Variants in LMX1B observed in about 807,000 individuals in gnomAD.
The protein encoded by LMX1B is LIM homeobox transcription factor 1 beta.
In LMX1B, 12 loss-of-function variants were observed where a neutral mutation model predicts 51.4. That is an observed-to-expected ratio of 0.23 (90% CI 0.15 to 0.38). The LOEUF (loss-of-function observed/expected upper bound fraction) is 0.38. Among genes scored for constraint, LMX1B ranks in the 10% least tolerant of loss-of-function variants. LMX1B has a pLI of 1.00. For missense variants in LMX1B, 445 were observed against 571.1 expected (o/e 0.78, Z 2.25); for synonymous variants, 237 against 235.4 (o/e 1.01, Z -0.06).
At chr9:126,656,818 T>A (rs1836127377) in intron 2 of LMX1B, among the ~76,000 whole-genome samples, 1 of 152,220 alleles carries the variant, frequency 6.6e-6, no homozygotes, top group Non-Finnish European at 1.5e-5. Flanking sequence ...CAGCTGCCAC[T>A]CACAGGATGC....
intron 2 of LMX1B, among the ~76,000 whole-genome samples, chr9:126,631,472 G>A (rs1835636272): frequency 6.6e-6 from 1 of 151,968 alleles, no homozygotes. Context: ...AGTCCAGCTG[G>A]GGGCCTTTTG....
chr9:126,630,111 G>A (rs1216647990), intron 2 of LMX1B, among the ~76,000 whole-genome samples: 3 of 146,994 alleles, frequency 2.0e-5, no homozygotes, highest in East Asian at 3.9e-4. Context: ...GCAGTGAGCC[G>A]AGATTGCGCC....
chr9:126,643,753 C>T (rs1835849890), intron 2 of LMX1B, among the ~76,000 whole-genome samples: 2 of 152,148 alleles, frequency 1.3e-5, no homozygotes, highest in African/African-American at 4.8e-5. Flanking sequence ...TGTGTTTCCC[C>T]AGTACTTGGT....
chr9:126,648,006 G>A (rs1835933768), intron 2 of LMX1B, among the ~76,000 whole-genome samples: 2 of 152,228 alleles, frequency 1.3e-5, no homozygotes, highest in Non-Finnish European at 2.9e-5. Flanking sequence ...AGCTCCCTGG[G>A]TGATGGGAAA....
At chr9:126,694,865 C>T (rs1231418821) in intron 6 of LMX1B, among the ~76,000 whole-genome samples, 2 of 152,156 alleles carry the variant, frequency 1.3e-5, no homozygotes, top group African/African-American at 2.4e-5. Context: ...GACACAGCCT[C>T]CCTGAGAAGG....
chr9:126,655,161 T>C (rs1836088744), intron 2 of LMX1B, among the ~76,000 whole-genome samples: 1 of 152,338 alleles, frequency 6.6e-6, no homozygotes, highest in East Asian at 1.9e-4. Flanking sequence ...AATCAACTTT[T>C]TGGAGGTGCC....
Position 126,618,578 on chromosome 9 carries a change from A to T in LMX1B, c.326+3009A>T, listed in dbSNP as rs368481854. On this transcript the variant is annotated intron_variant, in intron 2 of 7. Coordinates refer to ENST00000373474, the MANE Select transcript of LMX1B (RefSeq NM_001174147.2). This position sits in a 1 kb window ranked among gnomAD's most constrained non-coding sequence, Gnocchi z 4.5. The stretch of plus-strand genomic sequence containing the variant: ...TTTCGGACAGAAAACCAGTTAGGAA[A>T]CGGAGAGGAAACGCAGCCTCCCCCA... Among the ~76,000 whole-genome samples, 1 of 152,218 alleles carries T rather than the reference A, an allele frequency of 6.6e-6. No homozygotes were observed. The highest frequency in any genetic ancestry group is 2.1e-4 in the South Asian group (1 of 4,832).
At chr9:126,616,981 G>A (rs553036743) in intron 2 of LMX1B, among the ~76,000 whole-genome samples, 2 of 152,336 alleles carry the variant, frequency 1.3e-5, no homozygotes, top group African/African-American at 4.8e-5. Context: ...GTCCCAGAGT[G>A]CAGCTGAGGC....
chr9:126,661,199 A>G (rs7869040), intron 2 of LMX1B, among the ~76,000 whole-genome samples: 9 of 105,574 alleles, frequency 8.5e-5, no homozygotes, highest in South Asian at 3.4e-4. Context: ...TAATGTGGAC[A>G]CCCCACGCAG....
intron 2 of LMX1B, among the ~76,000 whole-genome samples, chr9:126,648,739 C>T (rs970326476): frequency 3.3e-5 from 5 of 152,116 alleles, no homozygotes; most frequent in South Asian, 2.1e-4. Flanking sequence ...CTGGGCTGCC[C>T]GTTGGAGGCA....
At position 126,698,581 on chromosome 9, in the gene LMX1B, C is replaced by A. The variant is rs1285589698; in HGVS notation, c.*2130C>A. On this transcript the variant is annotated 3_prime_UTR_variant, in exon 8 of 8. Coordinates refer to ENST00000373474, the MANE Select transcript of LMX1B (RefSeq NM_001174147.2). ...GGCTGCTGGGGCCTGACTGGTGAGC[C>A]CACCCTGTCCCCTGGTGATCACTGT... is the stretch of plus-strand genomic sequence containing the variant. The A allele has an allele frequency of 1.3e-5, 2 of 152,476 alleles. No individual in the cohort carries two copies. Among genetic ancestry groups the A allele is most frequent in the African/African-American group, 2.4e-5 (1 of 41,444 alleles). 9.4% of individuals were successfully genotyped at this position (152,476 alleles called of 1,614,324 possible). A position where few individuals can be genotyped will look rare whatever the true frequency, so the allele number is the denominator to read the frequency against.
chr9:126,660,689 G>A (rs2118921908), intron 2 of LMX1B, among the ~76,000 whole-genome samples: 1 of 152,234 alleles, frequency 6.6e-6, no homozygotes, highest in Admixed American at 6.5e-5. Flanking sequence ...CATGTGAGGG[G>A]GATTGCAAAG....
chr9:126,614,010 C>T lies in LMX1B; in HGVS notation c.-440C>T, dbSNP rs891241078. ...GGGAGCGCGCCCGGAGCCCCGCGGC[C>T]CGCTGCGCCCCGCCCGGGACCCCGC... is the stretch of plus-strand genomic sequence containing the variant. On this transcript the variant is annotated 5_prime_UTR_variant, in exon 1 of 8. Transcript: ENST00000373474. Among the ~76,000 whole-genome samples the T allele has an allele frequency of 3.2e-3, 456 of 141,870 alleles. 3 individuals carry two copies. Among genetic ancestry groups the T allele is most frequent in the African/African-American group, 0.01 (400 of 39,670 alleles). 93.1% of individuals were successfully genotyped at this position (141,870 alleles called of 152,430 possible). A position where few individuals can be genotyped will look rare whatever the true frequency, so the allele number is the denominator to read the frequency against.
intron 2 of LMX1B, among the ~76,000 whole-genome samples, chr9:126,665,202 T>C (rs1313555860): frequency 2.0e-5 from 3 of 152,216 alleles, no homozygotes; most frequent in African/African-American, 4.8e-5. Context: ...TGGAGCTAGC[T>C]GCTGGCTGAG....
intron 2 of LMX1B, among the ~76,000 whole-genome samples, chr9:126,646,790 G>T (rs1032536033): frequency 6.6e-5 from 10 of 152,200 alleles, no homozygotes; most frequent in African/African-American, 2.2e-4. Context: ...CAGCAGACAA[G>T]GTTCCTGTTC....
Position 126,618,957 on chromosome 9 carries a change from T to TCGG in LMX1B, c.326+3395_326+3397dup, listed in dbSNP as rs1402676450. 2.6e-5 allele frequency among the ~76,000 whole-genome samples: 4 copies of TCGG among 151,400 alleles called. No homozygotes were observed. In the East Asian group the frequency reaches 7.9e-4, roughly 30 times the overall value. ...TTCCGGCCCGGGCCGCGCTCCTACC[T>TCGG]CGGCGGCGGGGCCGCGGCGTCCTTC... On this transcript the variant is annotated intron_variant, in intron 2 of 7. Transcript: ENST00000373474. The surrounding 1 kb of genome is among the most constrained non-coding windows in gnomAD (Gnocchi z 4.5).
chr9:126,672,307 C>T (rs988344979), intron 2 of LMX1B, among the ~76,000 whole-genome samples: 6 of 152,190 alleles, frequency 3.9e-5, no homozygotes, highest in African/African-American at 1.2e-4. Context: ...GTTTCTCCCA[C>T]GGAATAATGG....
chr9:126,686,700 G>A (rs2029904439), intron 2 of LMX1B, among the ~76,000 whole-genome samples: 1 of 152,200 alleles, frequency 6.6e-6, no homozygotes, highest in Admixed American at 6.5e-5. Flanking sequence ...AAAGGCACAT[G>A]GAGATGCACA....
chr9:126,670,749 CTG>C (rs1468640005), intron 2 of LMX1B, among the ~76,000 whole-genome samples: 13 of 152,198 alleles, frequency 8.5e-5, no homozygotes, highest in Admixed American at 8.5e-4. Flanking sequence ...TTCTTGGAAA[CTG>C]TGACATTAAG....
Sources: allele counts gnomAD v4.1 joint callset (sites outside exome capture counted in the v4.1 genomes callset), GRCh38; gene constraint gnomAD v4.1.1; non-coding constraint Gnocchi (gnomAD v3.1); transcripts MANE v1.5; gene names NCBI Gene and HGNC (gene_info 2026-07-23, HGNC 2026-07-21).